The following MIR2052HG variants were observed in gnomAD, a reference collection of about 807,000 sequenced individuals.
MIR2052HG encodes MIR2052 host gene.
At chr8:74,681,049 T>G (rs1249059755) in intron 2 of MIR2052HG, among the ~76,000 whole-genome samples, 1 of 115,646 alleles carries the variant, frequency 8.6e-6, no homozygotes, top group African/African-American at 3.4e-5. Flanking sequence ...AACATCACAC[T>G]CTGGGGACTG....
At chr8:74,644,532 C>T (rs1304562896) in intron 2 of MIR2052HG, among the ~76,000 whole-genome samples, 4 of 152,088 alleles carry the variant, frequency 2.6e-5, no homozygotes, top group Non-Finnish European at 4.4e-5. Context: ...ATATCCGTTT[C>T]GTTAAGTGGT....
At chr8:74,702,650 T>C (rs1244827443) in intron 3 of MIR2052HG, among the ~76,000 whole-genome samples, 1 of 152,122 alleles carries the variant, frequency 6.6e-6, no homozygotes, top group Non-Finnish European at 1.5e-5. Flanking sequence ...TGGACAATTA[T>C]TTTAACAAAA....
At chr8:74,616,676 A>G (rs2128732060) in intron 2 of MIR2052HG, among the ~76,000 whole-genome samples, 1 of 152,184 alleles carries the variant, frequency 6.6e-6, no homozygotes, top group East Asian at 1.9e-4. Context: ...TTTCATTGTA[A>G]ATGAAGGAAG....
chr8:74,604,630 G>C (rs1249332014), intron 1 of MIR2052HG, among the ~76,000 whole-genome samples: 3 of 104,460 alleles, frequency 2.9e-5, no homozygotes, highest in African/African-American at 3.7e-5. Flanking sequence ...TCTTGCTCTT[G>C]TTGCCCAGGC....
intron 4 of MIR2052HG, among the ~76,000 whole-genome samples, chr8:74,751,116 G>A (rs917849256): frequency 2.6e-5 from 4 of 152,136 alleles, no homozygotes; most frequent in Admixed American, 2.0e-4. Context: ...TGGCACTTAC[G>A]GTCGTTTGCG....
intron 1 of MIR2052HG, chr8:74,609,694 C>T (rs1808164260): frequency 1.3e-5 from 2 of 149,990 alleles, no homozygotes; most frequent in Admixed American, 6.7e-5. Flanking sequence ...AAAAGATACT[C>T]TCATTTAATG....
chr8:74,675,973 A>G (rs182209511), intron 2 of MIR2052HG, among the ~76,000 whole-genome samples: 3 of 152,148 alleles, frequency 2.0e-5, no homozygotes, highest in Admixed American at 2.0e-4. Flanking sequence ...TAAAGAAGCT[A>G]TGTTTAATAG....
chr8:74,618,949 C>A (rs1038268211), intron 2 of MIR2052HG, among the ~76,000 whole-genome samples: 9 of 152,112 alleles, frequency 5.9e-5, no homozygotes, highest in Non-Finnish European at 1.3e-4. Context: ...AGTAAAGTTT[C>A]ATTATACAAA....
intron 2 of MIR2052HG, among the ~76,000 whole-genome samples, chr8:74,641,257 G>A (rs1233013854): frequency 6.6e-6 from 1 of 152,098 alleles, no homozygotes; most frequent in South Asian, 2.1e-4. Context: ...GGTCCTAAAA[G>A]CTCTTCATAT....
At chr8:74,661,945 G>GA (rs1563525848) in intron 2 of MIR2052HG, among the ~76,000 whole-genome samples, 1 of 152,068 alleles carries the variant, frequency 6.6e-6, no homozygotes, top group Non-Finnish European at 1.5e-5. Flanking sequence ...CTAATTGTAA[G>GA]AAAAAAATCG....
At chr8:74,709,171 A>G (rs1232034115) in intron 4 of MIR2052HG, among the ~76,000 whole-genome samples, 1 of 152,172 alleles carries the variant, frequency 6.6e-6, no homozygotes, top group Non-Finnish European at 1.5e-5. Flanking sequence ...GCATGGCAAG[A>G]TAGTTTCAGG....
intron 2 of MIR2052HG, among the ~76,000 whole-genome samples, chr8:74,658,158 C>A (rs1361369431): frequency 6.6e-6 from 1 of 152,144 alleles, no homozygotes; most frequent in Non-Finnish European, 1.5e-5. Context: ...CTTTAATCTT[C>A]TCAGTGAGAC....
chr8:74,748,838 A>T (rs749223820), intron 4 of MIR2052HG, among the ~76,000 whole-genome samples: 1 of 152,154 alleles, frequency 6.6e-6, no homozygotes, highest in Non-Finnish European at 1.5e-5. Flanking sequence ...TACCACTTCC[A>T]TGACTTTCCA....
At chr8:74,600,647 C>G (rs141513676) in intron 1 of MIR2052HG, among the ~76,000 whole-genome samples, 1 of 151,694 alleles carries the variant, frequency 6.6e-6, no homozygotes, top group Non-Finnish European at 1.5e-5. Flanking sequence ...ACAATCTTGG[C>G]TCACTGCAAC....
At chr8:74,677,606 A>G (rs1371347892) in intron 2 of MIR2052HG, among the ~76,000 whole-genome samples, 1 of 152,108 alleles carries the variant, frequency 6.6e-6, no homozygotes, top group African/African-American at 2.4e-5. Flanking sequence ...GTCAAAAACC[A>G]GAAGTAATAA....
intron 2 of MIR2052HG, among the ~76,000 whole-genome samples, chr8:74,684,352 A>T (rs1809157443): frequency 6.6e-6 from 1 of 152,054 alleles, no homozygotes; most frequent in Non-Finnish European, 1.5e-5. Flanking sequence ...AAACCAAACT[A>T]CGCAAACATA....
intron 2 of MIR2052HG, among the ~76,000 whole-genome samples, chr8:74,647,364 T>C (rs1331714857): frequency 2.6e-5 from 4 of 152,180 alleles, no homozygotes; most frequent in Non-Finnish European, 5.9e-5. Context: ...AAATGGCTCT[T>C]CTTACAAGGT....
intron 2 of MIR2052HG, among the ~76,000 whole-genome samples, chr8:74,643,649 G>A (rs1411966890): frequency 2.0e-5 from 3 of 152,134 alleles, no homozygotes; most frequent in Non-Finnish European, 2.9e-5. Flanking sequence ...TTGAGATAAT[G>A]AGATAATGCC....
At chr8:74,652,475 G>T (rs1017450730) in intron 2 of MIR2052HG, among the ~76,000 whole-genome samples, 5 of 152,142 alleles carry the variant, frequency 3.3e-5, no homozygotes, top group Admixed American at 6.6e-5. Flanking sequence ...GCACATATGA[G>T]AACTAATTTA....
Sources: gnomAD v4.1 joint callset for allele counts (sites outside exome capture counted in the v4.1 genomes callset) on GRCh38, gnomAD v4.1.1 for gene constraint, MANE v1.5 for transcripts, NCBI Gene and HGNC (gene_info 2026-07-23, HGNC 2026-07-21) for gene names.